The following COX7B2 variants were observed in gnomAD, a reference collection of about 807,000 sequenced individuals.
COX7B2 encodes cytochrome c oxidase subunit 7B2, mitochondrial.
For synonymous variants in COX7B2, 37 were observed against 32.1 expected (o/e 1.15, Z -0.51); for missense variants, 109 against 95.9 (o/e 1.14, Z -0.57).
At chr4:46,776,744 C>T (rs1373033825) in intron 2 of COX7B2, among the ~76,000 whole-genome samples, 1 of 152,082 alleles carries the variant, frequency 6.6e-6, no homozygotes, top group Non-Finnish European at 1.5e-5. Flanking sequence ...CCTTGGGCTT[C>T]TCCACATACC....
intron 2 of COX7B2, among the ~76,000 whole-genome samples, chr4:46,811,057 T>C (rs1267944781): frequency 6.6e-6 from 1 of 152,200 alleles, no homozygotes; most frequent in African/African-American, 2.4e-5. Context: ...TGATGGTTTT[T>C]CTCTTACTGC....
chr4:46,881,852 T>G (rs1021341617), intron 1 of COX7B2, among the ~76,000 whole-genome samples: 1 of 152,126 alleles, frequency 6.6e-6, no homozygotes, highest in African/African-American at 2.4e-5. Flanking sequence ...GAGGTTTTTT[T>G]CTTGACTCTC....
At chr4:46,782,137 C>G (rs1717496041) in intron 2 of COX7B2, among the ~76,000 whole-genome samples, 3 of 152,140 alleles carry the variant, frequency 2.0e-5, no homozygotes, top group Admixed American at 2.0e-4. Context: ...TGAGTGGGGA[C>G]TTAGAGAACT....
chr4:46,762,830 C>T (rs1443198055), intron 2 of COX7B2, among the ~76,000 whole-genome samples: 1 of 148,244 alleles, frequency 6.7e-6, no homozygotes, highest in East Asian at 2.0e-4. Context: ...TGCTCAAGGT[C>T]ACATAATTAA....
chr4:46,874,699 T>C (rs1336562524), intron 1 of COX7B2, among the ~76,000 whole-genome samples: 2 of 152,156 alleles, frequency 1.3e-5, no homozygotes, highest in African/African-American at 4.8e-5. Flanking sequence ...CTATGTAGAC[T>C]AGATAAACTA....
intron 2 of COX7B2, among the ~76,000 whole-genome samples, chr4:46,842,310 A>G (rs1425665212): frequency 1.3e-5 from 2 of 152,040 alleles, no homozygotes; most frequent in African/African-American, 4.8e-5. Context: ...GGATTATTTG[A>G]CAGTAATGAC....
chr4:46,839,496 A>C (rs1715779711), intron 2 of COX7B2, among the ~76,000 whole-genome samples: 1 of 151,990 alleles, frequency 6.6e-6, no homozygotes, highest in South Asian at 2.1e-4. Context: ...ATTAAGAGGC[A>C]GTAAGGCCGA....
intron 1 of COX7B2, among the ~76,000 whole-genome samples, chr4:46,888,234 A>G (rs1321305066): frequency 6.6e-6 from 1 of 152,160 alleles, no homozygotes; most frequent in Non-Finnish European, 1.5e-5. Context: ...CAGGTAATAG[A>G]TGGTGCATTC....
intron 1 of COX7B2, among the ~76,000 whole-genome samples, chr4:46,885,739 C>A (rs1191303610): frequency 6.6e-6 from 1 of 152,016 alleles, no homozygotes; most frequent in Non-Finnish European, 1.5e-5. Flanking sequence ...GCATTTAATT[C>A]TTTCAGTTAT....
intron 1 of COX7B2, among the ~76,000 whole-genome samples, chr4:46,908,738 C>CAAAAAAAAAAAAAAA (rs34388680): frequency 8.3e-6 from 1 of 121,088 alleles, no homozygotes; most frequent in Non-Finnish European, 1.7e-5. Context: ...AGGAAAGTGG[C>CAAAAAAAAAAAAAAA]AAAAAAAAAA....
chr4:46,900,288 T>C (rs1424255073), intron 1 of COX7B2, among the ~76,000 whole-genome samples: 1 of 152,230 alleles, frequency 6.6e-6, no homozygotes. Flanking sequence ...GATTTTTATT[T>C]ACATACCAAA....
chr4:46,756,462 A>C (rs1183077686), intron 2 of COX7B2, among the ~76,000 whole-genome samples: 1 of 152,092 alleles, frequency 6.6e-6, no homozygotes, highest in Non-Finnish European at 1.5e-5. Context: ...ATTTAATTAA[A>C]CTAAAAAGCT....
Position 46,759,874 on chromosome 4 carries a change from GTCATATCTTATATAAGTTATA to G in COX7B2, c.-49-24654_-49-24634del, listed in dbSNP as rs1456328750. Among the ~76,000 whole-genome samples the G allele has an allele frequency of 2.0e-5, 3 of 148,882 alleles. No individual in the cohort carries two copies. The East Asian group carries it at 5.9e-4, about 29-fold the overall frequency. On this transcript the variant is annotated intron_variant, in intron 2 of 2. Coordinates refer to ENST00000355591, the MANE Select transcript of COX7B2 (RefSeq NM_130902.3). ...GTCATATCTTATATAAGTTATATAA[GTCATATCTTATATAAGTTATA>G]TAAGTCTTATCTTATATAAGTTATA... is the stretch of plus-strand genomic sequence containing the variant.
At chr4:46,760,854 A>G (rs1454360925) in intron 2 of COX7B2, among the ~76,000 whole-genome samples, 1 of 152,232 alleles carries the variant, frequency 6.6e-6, no homozygotes, top group East Asian at 1.9e-4. Flanking sequence ...AATCTTAGTT[A>G]AGTGTTCAAA....
At position 46,777,389 on chromosome 4, in the gene COX7B2, A is replaced by C. The variant is rs534843892; in HGVS notation, c.-49-42148T>G. Among the ~76,000 whole-genome samples the C allele has an allele frequency of 2.0e-5, 3 of 152,208 alleles. No individual in the cohort carries two copies. The East Asian group carries it at 5.8e-4, about 29-fold the overall frequency. Reference sequence around the variant, plus strand: ...AAAGTGGAGTGCCAGAGAGAGAGAGAGAGACAGGGAGATGAAGGCGGTGGT... The same window carrying C: ...AAAGTGGAGTGCCAGAGAGAGAGAGCGAGACAGGGAGATGAAGGCGGTGGT... On this transcript the variant is annotated intron_variant, in intron 2 of 2. Coordinates refer to ENST00000355591, the MANE Select transcript of COX7B2 (RefSeq NM_130902.3).
At position 46,856,752 on chromosome 4, in the gene COX7B2, A is replaced by G. The variant is rs74726889; in HGVS notation, c.-104-11738T>C. Among the ~76,000 whole-genome samples the G allele has an allele frequency of 5.5e-3, 833 of 152,310 alleles. 8 individuals carry two copies. The highest frequency in any genetic ancestry group is 0.019 in the African/African-American group (774 of 41,568). On this transcript the variant is annotated intron_variant, in intron 1 of 2. Coordinates refer to ENST00000355591, the MANE Select transcript of COX7B2 (RefSeq NM_130902.3). ...AGGTATTTTTGGTTTGTTTTGAATA[A>G]TTGAGAAAGGGCTTAAGGCAAAGCT...
chr4:46,744,365 G>A (rs1031635689), intron 2 of COX7B2, among the ~76,000 whole-genome samples: 16 of 151,656 alleles, frequency 1.1e-4, no homozygotes, highest in Non-Finnish European at 2.2e-4. Flanking sequence ...AATTTCAGTC[G>A]GTCGGAGAGA....
At chr4:46,872,136 C>T (rs151123616) in intron 1 of COX7B2, among the ~76,000 whole-genome samples, 1 of 152,144 alleles carries the variant, frequency 6.6e-6, no homozygotes, top group Non-Finnish European at 1.5e-5. Context: ...GAATACTATG[C>T]AGCCATAAAA....
intron 1 of COX7B2, among the ~76,000 whole-genome samples, chr4:46,907,787 C>T (rs1010499975): frequency 2.7e-5 from 4 of 149,176 alleles, no homozygotes; most frequent in African/African-American, 9.8e-5. Flanking sequence ...TCACACCAAA[C>T]TTCCATCTCT....
Sources: allele counts gnomAD v4.1 joint callset (sites outside exome capture counted in the v4.1 genomes callset), GRCh38; gene constraint gnomAD v4.1.1; transcripts MANE v1.5; gene names NCBI Gene and HGNC (gene_info 2026-07-23, HGNC 2026-07-21).